Variants in PTPN9 observed in about 807,000 individuals in gnomAD.
PTPN9 encodes tyrosine-protein phosphatase non-receptor type 9.
In PTPN9, 26 loss-of-function variants were observed where a neutral mutation model predicts 69.8. The observed-to-expected ratio is 0.37, with a 90% confidence interval of 0.27 to 0.52. The LOEUF (loss-of-function observed/expected upper bound fraction) is 0.52, where lower values mean the gene tolerates loss of function less well. PTPN9 is among the 20% of genes least tolerant of loss of function. The pLI is 0.91. For missense variants in PTPN9, 549 were observed against 740.3 expected, an observed-to-expected ratio of 0.74 and a Z score of 3.00; for synonymous variants, 274 against 272.5, an observed-to-expected ratio of 1.01 and a Z score of -0.05.
chr15:75,555,696 G>A (rs1181009844), intron 1 of PTPN9, among the ~76,000 whole-genome samples: 2 of 151,804 alleles, frequency 1.3e-5, no homozygotes, highest in African/African-American at 4.8e-5. Context: ...GTAGAGATGG[G>A]GTTTCGCCAT....
intron 7 of PTPN9, among the ~76,000 whole-genome samples, chr15:75,493,668 T>A (rs1353300034): frequency 1.3e-5 from 2 of 151,670 alleles, no homozygotes; most frequent in Non-Finnish European, 2.9e-5. Context: ...GGCTGAGGCA[T>A]GAGAATTGCT....
At chr15:75,566,978 A>G (rs935871712) in intron 1 of PTPN9, among the ~76,000 whole-genome samples, 3 of 150,870 alleles carry the variant, frequency 2.0e-5, no homozygotes, top group Admixed American at 1.3e-4. Flanking sequence ...CAACAGAAAC[A>G]TATGATCATT....
At chr15:75,524,159 T>G in intron 3 of PTPN9, 50 bp downstream of exon 3, 1 of 1,011,696 alleles carries the variant, frequency 9.9e-7, no homozygotes. Context: ...AGGACACCAG[T>G]TAAAAAAGGA....
chr15:75,522,989 G>T, intron 4 of PTPN9, 132 bp downstream of exon 4: 1 of 1,090,048 alleles, frequency 9.2e-7, no homozygotes, highest in Non-Finnish European at 1.3e-6. Context: ...GACATGGATT[G>T]TTTTCTATTC....
At chr15:75,492,911 GGGAGGGCCAAGGTGGGA>G (rs1210127227) in intron 7 of PTPN9, among the ~76,000 whole-genome samples, 1 of 152,006 alleles carries the variant, frequency 6.6e-6, no homozygotes, top group East Asian at 1.9e-4. Flanking sequence ...CTAACTCTTT[GGGAGGGCCAAGGTGGGA>G]GGATCACTTG....
intron 1 of PTPN9, among the ~76,000 whole-genome samples, chr15:75,539,553 G>T (rs914129958): frequency 1.3e-5 from 2 of 151,056 alleles, no homozygotes; most frequent in African/African-American, 4.9e-5. Context: ...TGATCCGCCC[G>T]CCTCAGCCTC....
intron 7 of PTPN9, 125 bp downstream of exon 7, chr15:75,505,548 TGA>T: frequency 3.2e-6 from 2 of 622,648 alleles, no homozygotes; most frequent in South Asian, 2.4e-5. Context: ...ATCATTTATG[TGA>T]GAGTGATGTT....
intron 6 of PTPN9, among the ~76,000 whole-genome samples, chr15:75,506,627 A>G (rs917698021): frequency 6.6e-6 from 1 of 152,070 alleles, no homozygotes; most frequent in African/African-American, 2.4e-5. Flanking sequence ...CTTCCACCTC[A>G]GCCCCTCAAG....
intron 1 of PTPN9, among the ~76,000 whole-genome samples, chr15:75,558,265 C>G (rs2075086075): frequency 6.6e-6 from 1 of 151,620 alleles, no homozygotes; most frequent in African/African-American, 2.4e-5. Context: ...GAGGCGGAGG[C>G]TGCAGTGAGC....
chr15:75,518,910 A>G (rs1401555729), intron 4 of PTPN9, among the ~76,000 whole-genome samples: 1 of 152,072 alleles, frequency 6.6e-6, no homozygotes, highest in Non-Finnish European at 1.5e-5. Flanking sequence ...CCAATTTCCC[A>G]GATTTATAAA....
intron 7 of PTPN9, among the ~76,000 whole-genome samples, chr15:75,492,621 A>C (rs544184096): frequency 6.6e-6 from 1 of 152,246 alleles, no homozygotes; most frequent in Non-Finnish European, 1.5e-5. Flanking sequence ...AAACAGCATC[A>C]GGTGAAAGAA....
intron 7 of PTPN9, among the ~76,000 whole-genome samples, chr15:75,500,364 C>A (rs1458908156): frequency 6.6e-6 from 1 of 150,978 alleles, no homozygotes; most frequent in African/African-American, 2.4e-5. Flanking sequence ...CACACACACA[C>A]ACACACATAT....
intron 5 of PTPN9, among the ~76,000 whole-genome samples, chr15:75,511,659 A>C (rs543151306): frequency 7.2e-5 from 11 of 152,204 alleles, no homozygotes; most frequent in African/African-American, 2.4e-4. Context: ...CCACCTTTAC[A>C]TATTAAAAAG....
rs990742796 is a variant in PTPN9, at chr15:75,578,901, G to C, written c.-125C>G. ...GGGCCGGCTCGCGCATAGTGTGGCC[G>C]GCAGGGCCCGGCGCCTGCAGCGGCC... On this transcript the variant is annotated 5_prime_UTR_variant, in exon 1 of 13. Coordinates refer to ENST00000618819, the MANE Select transcript of PTPN9 (RefSeq NM_002833.4). The C allele has an allele frequency of 3.7e-6, 2 of 533,936 alleles. No homozygotes were observed. Among genetic ancestry groups the C allele is most frequent in the Non-Finnish European group, 2.7e-6 (1 of 373,420 alleles). 33.1% of individuals were successfully genotyped at this position (533,936 alleles called of 1,614,324 possible). A position where few individuals can be genotyped will look rare whatever the true frequency, so the allele number is the denominator to read the frequency against.
intron 1 of PTPN9, among the ~76,000 whole-genome samples, chr15:75,530,214 A>AG (rs1255482068): frequency 5.0e-4 from 72 of 144,386 alleles, no homozygotes; most frequent in African/African-American, 1.8e-3. Flanking sequence ...AAAAAAAAAA[A>AG]AAAAGAAAAG....
chr15:75,504,899 A>C (rs938787053), intron 7 of PTPN9, among the ~76,000 whole-genome samples: 2 of 150,564 alleles, frequency 1.3e-5, no homozygotes, highest in Non-Finnish European at 3.0e-5. Flanking sequence ...ACCTCTGCCC[A>C]GCCACCCCTA....
At chr15:75,532,983 A>T (rs1280095904) in intron 1 of PTPN9, among the ~76,000 whole-genome samples, 1 of 152,238 alleles carries the variant, frequency 6.6e-6, no homozygotes, top group Non-Finnish European at 1.5e-5. Flanking sequence ...CAGAAGGGAT[A>T]ATTGAAATTC....
chr15:75,480,009 T>C, intron 8 of PTPN9, 95 bp from the exon 9 acceptor site: 1 of 809,262 alleles, frequency 1.2e-6, no homozygotes, highest in Non-Finnish European at 1.9e-6. Context: ...AAGGTGTGAA[T>C]ATTCTCTTCT....
chr15:75,530,694 A>ATATATAATATATATTAT (rs2074955845), intron 1 of PTPN9, among the ~76,000 whole-genome samples: 1 of 40,050 alleles, frequency 2.5e-5, no homozygotes, highest in Non-Finnish European at 4.0e-5. Context: ...ATATTATAAT[A>ATATATAATATATATTAT]TATATAATAT....
Sources: allele counts gnomAD v4.1 joint callset (sites outside exome capture counted in the v4.1 genomes callset), GRCh38; gene constraint gnomAD v4.1.1; transcripts MANE v1.5; gene names NCBI Gene and HGNC (gene_info 2026-07-23, HGNC 2026-07-21).